The following SCMH1 variants were observed in gnomAD, a reference collection of about 807,000 sequenced individuals.
The protein encoded by SCMH1 is Scm polycomb group protein homolog 1.
SCMH1 carries 37 observed loss-of-function variants against 70.8 expected under a neutral mutation model. That is an observed-to-expected ratio of 0.52 (90% CI 0.40 to 0.69). SCMH1 has a LOEUF of 0.69. SCMH1 is among the 30% of genes least tolerant of loss of function. SCMH1 has a pLI of 0.00. For missense variants in SCMH1, 607 were observed against 827.3 expected (o/e 0.73, Z 3.27); for synonymous variants, 292 against 307.4 (o/e 0.95, Z 0.52).
chr1:41,172,213 A>G (rs2148515177), intron 2 of SCMH1, among the ~76,000 whole-genome samples: 1 of 152,102 alleles, frequency 6.6e-6, no homozygotes, highest in Admixed American at 6.6e-5. Flanking sequence ...GCTGTACCAA[A>G]AAATTCTTAG....
chr1:41,068,691 C>T (rs963341709), intron 10 of SCMH1, among the ~76,000 whole-genome samples: 1 of 152,102 alleles, frequency 6.6e-6, no homozygotes, highest in Non-Finnish European at 1.5e-5. Flanking sequence ...CAGGCGTGAG[C>T]CACCATGCTC....
At chr1:41,139,649 T>A (rs533858211) in intron 6 of SCMH1, among the ~76,000 whole-genome samples, 1 of 152,288 alleles carries the variant, frequency 6.6e-6, no homozygotes, top group African/African-American at 2.4e-5. Context: ...TGCAATGTCA[T>A]ATTTAGGACA....
At chr1:41,195,387 TTCCCAGAA>T (rs1652791703) in intron 1 of SCMH1, among the ~76,000 whole-genome samples, 1 of 151,990 alleles carries the variant, frequency 6.6e-6, no homozygotes, top group Non-Finnish European at 1.5e-5. Context: ...GTGAGGTTTA[TTCCCAGAA>T]TATAAGGATG....
rs180687052 is a variant in SCMH1, at chr1:41,212,017, G to A, written c.-117-25767C>T. Reference sequence around the variant, plus strand: ...AACATGACACACCAGGGCCTGTTGCGGGGTAGGGAGCTGGGGGAGGGATAG... The same window carrying A: ...AACATGACACACCAGGGCCTGTTGCAGGGTAGGGAGCTGGGGGAGGGATAG... On this transcript the variant is annotated intron_variant, in intron 1 of 14. Coordinates refer to ENST00000337495, the Ensembl canonical transcript of SCMH1. 4.4e-4 allele frequency among the ~76,000 whole-genome samples: 67 copies of A among 152,256 alleles called. 1 individual carries two copies. In the East Asian group the frequency reaches 6.8e-3, roughly 15 times the overall value.
In SCMH1 at chr1:41,056,432, TA is replaced by T. The variant is rs369484915; in HGVS notation, c.1106-7543del. On this transcript the variant is annotated intron_variant, in intron 10 of 14. Transcript: ENST00000337495. ...AAAATCCTTCCCAATCTTGAGGTCA[TA>T]AGGATATTTGTGTATACTGTCATTT... is the stretch of plus-strand genomic sequence containing the variant. Among the ~76,000 whole-genome samples the T allele has an allele frequency of 4.1e-4, 62 of 152,162 alleles. No homozygotes were observed. The East Asian group carries it at 0.01, about 25-fold the overall frequency.
chr1:41,089,683 C>T (rs1304235068), intron 8 of SCMH1, among the ~76,000 whole-genome samples: 3 of 151,840 alleles, frequency 2.0e-5, no homozygotes, highest in Non-Finnish European at 4.4e-5. Flanking sequence ...AAGCCAAGGT[C>T]CTTATGCTGA....
At chr1:41,037,326 G>A (rs1382633319) in intron 13 of SCMH1, 36 bp downstream of exon 13, 1 of 1,596,562 alleles carries the variant, frequency 6.3e-7, no homozygotes, top group Admixed American at 1.7e-5. Flanking sequence ...GAAAGAGTGA[G>A]GGAGGGAAGG....
intron 6 of SCMH1, among the ~76,000 whole-genome samples, chr1:41,134,884 C>T (rs1056705504): frequency 1.3e-5 from 2 of 152,068 alleles, no homozygotes; most frequent in Non-Finnish European, 2.9e-5. Context: ...GTATATAGTA[C>T]CCATTTTCTG....
chr1:41,087,031 C>A (rs1490721735), intron 8 of SCMH1, among the ~76,000 whole-genome samples: 1 of 152,046 alleles, frequency 6.6e-6, no homozygotes, highest in African/African-American at 2.4e-5. Flanking sequence ...GGTACTGGTA[C>A]ACCAATGGAC....
intron 7 of SCMH1, among the ~76,000 whole-genome samples, chr1:41,114,317 C>T (rs1022981743): frequency 6.6e-6 from 1 of 152,114 alleles, no homozygotes; most frequent in Admixed American, 6.5e-5. Flanking sequence ...ATTTGTAATG[C>T]AGTTACATAG....
intron 8 of SCMH1, among the ~76,000 whole-genome samples, chr1:41,092,354 C>T (rs971626610): frequency 6.6e-6 from 1 of 152,150 alleles, no homozygotes; most frequent in African/African-American, 2.4e-5. Context: ...CTTCCTTACA[C>T]CTTATACAAA....
At chr1:41,159,715 G>T (rs564889735) in intron 4 of SCMH1, 1 of 1,529,038 alleles carries the variant, frequency 6.5e-7, no homozygotes, top group Non-Finnish European at 8.8e-7. Context: ...CAAGTGCCAG[G>T]CACCTTTACC....
At chr1:41,028,171 T>C in exon 15 of SCMH1, 4 of 1,613,732 alleles carry the variant, frequency 2.5e-6, no homozygotes, top group Non-Finnish European at 3.4e-6. Flanking sequence ...TGCCACTTGG[T>C]TGTCTAGGCT....
chr1:41,097,583 CT>C (rs1321452404), intron 8 of SCMH1, among the ~76,000 whole-genome samples: 1 of 152,186 alleles, frequency 6.6e-6, no homozygotes, highest in East Asian at 1.9e-4. Flanking sequence ...ATCCTCCTGC[CT>C]CAGTCTCCCA....
chr1:41,112,631 A>G lies in SCMH1; in HGVS notation c.745+652T>C, dbSNP rs141214921. Among the ~76,000 whole-genome samples, 291 of 152,272 alleles carry G rather than the reference A, an allele frequency of 1.9e-3. 2 individuals carry two copies. Among genetic ancestry groups the G allele is most frequent in the African/African-American group, 6.8e-3 (281 of 41,566 alleles). On this transcript the variant is annotated intron_variant, in intron 8 of 14. Transcript: ENST00000337495. ...AGAATATAACTATAATAGCAGCAGT[A>G]ATACAATAAAAATTTGTTTAGTACT...
chr1:41,028,672 G>A, exon 14 of SCMH1: 4 of 1,614,148 alleles, frequency 2.5e-6, no homozygotes, highest in Non-Finnish European at 3.4e-6. Flanking sequence ...CCATGAGGAG[G>A]GGTCCCGGCC....
rs192704935 is a variant in SCMH1 at position 41,071,151 on chromosome 1, C to G, written c.979-430G>C. Among the ~76,000 whole-genome samples the G allele has an allele frequency of 2.0e-4, 31 of 152,294 alleles. 1 individual carries two copies. The highest frequency in any genetic ancestry group is 3.9e-4 in the Admixed American group (6 of 15,294). On this transcript the variant is annotated intron_variant, in intron 9 of 14. Coordinates refer to ENST00000337495, the Ensembl canonical transcript of SCMH1. ...TTCTAACTCTACAAACAACTTTACT[C>G]TGTCTGCCTCTCTCTTCACCTCATT...
At chr1:41,242,200 G>A (rs1466778867), upstream of SCMH1, 900 of 145,804 alleles carry the variant, frequency 6.2e-3, 15 homozygotes, top group African/African-American at 0.021. This position sits in a 1 kb window ranked among gnomAD's most constrained non-coding sequence, Gnocchi z 5.2. Context: ...GGGCTCCACC[G>A]AGCTGGCGGT....
At chr1:41,190,277 T>C (rs1217151875) in intron 1 of SCMH1, among the ~76,000 whole-genome samples, 1 of 152,216 alleles carries the variant, frequency 6.6e-6, no homozygotes, top group South Asian at 2.1e-4. Context: ...TGAGAGCTGT[T>C]TGCAAATATC....
Sources: allele counts gnomAD v4.1 joint callset (sites outside exome capture counted in the v4.1 genomes callset), GRCh38; gene constraint gnomAD v4.1.1; non-coding constraint Gnocchi (gnomAD v3.1); transcripts MANE v1.5; gene names NCBI Gene and HGNC (gene_info 2026-07-23, HGNC 2026-07-21).